Variants in ZNF133 observed in about 807,000 individuals in gnomAD.
The protein encoded by ZNF133 is zinc finger protein 133, also known as zinc finger protein 133 (clone pHZ-13).
ZNF133 carries 26 observed loss-of-function variants against 54.9 expected under a neutral mutation model. The observed-to-expected ratio is 0.47, with a 90% CI of 0.35 to 0.66. The LOEUF is 0.66. ZNF133 is among the 30% of genes least tolerant of loss of function. The pLI is 0.01. For missense variants in ZNF133, 653 were observed against 820.8 expected (o/e 0.80, Z 2.50); for synonymous variants, 298 against 320.3 (o/e 0.93, Z 0.74).
At chr20:18,300,951 T>C (rs1442218393) in intron 3 of ZNF133, among the ~76,000 whole-genome samples, 2 of 152,154 alleles carry the variant, frequency 1.3e-5, no homozygotes, top group Non-Finnish European at 2.9e-5. Context: ...GTAAATCCAA[T>C]AGATATAATA....
At chr20:18,293,319 G>A (rs1233790927) in intron 1 of ZNF133, among the ~76,000 whole-genome samples, 1 of 152,200 alleles carries the variant, frequency 6.6e-6, no homozygotes. Flanking sequence ...TCACACATTT[G>A]ACATATTTTC....
Position 18,315,616 on chromosome 20 carries a change from G to C in ZNF133, c.765G>C (p.Lys255Asn), listed in dbSNP as rs1436403067. 1 of 1,613,476 alleles carries C rather than the reference G, an allele frequency of 6.2e-7. No homozygotes were observed. The highest frequency in any genetic ancestry group is 8.5e-7 in the Non-Finnish European group (1 of 1,179,786). Residue 255 changes from lysine to asparagine, a missense_variant, in exon 7 of 7, where the codon AAG becomes AAC. Lys to Asn is a moderately conservative substitution (Grantham distance 94). This residue lies in a region of ZNF133 where 292 missense variants were observed against 431.6 expected (regional missense o/e 0.68). Coordinates refer to ENST00000425686, the MANE Select transcript of ZNF133 (RefSeq NM_001352452.2). The stretch of plus-strand genomic sequence containing the variant: ...GTGAGAAGGGCTTCAGCCTAAAGAA[G>C]AGCCTCGCCAGACACCAGAAGGCAC... The part of the protein sequence containing the change: ...GVCEKGFSLK[K>N]SLARHQKAHS...
intron 1 of ZNF133, among the ~76,000 whole-genome samples, chr20:18,295,922 T>C (rs2042145310): frequency 2.0e-5 from 3 of 152,202 alleles, no homozygotes; most frequent in Non-Finnish European, 4.4e-5. Flanking sequence ...CTTAAGGCTA[T>C]AGTTTCCCTT....
At chr20:18,290,804 C>T (rs1459729361) in intron 1 of ZNF133, among the ~76,000 whole-genome samples, 1 of 152,084 alleles carries the variant, frequency 6.6e-6, no homozygotes. Context: ...TTCCTTGCAT[C>T]CTTGTTTCCA....
At chr20:18,297,021 G>C (rs993166836) in intron 1 of ZNF133, among the ~76,000 whole-genome samples, 2 of 152,164 alleles carry the variant, frequency 1.3e-5, no homozygotes, top group Admixed American at 1.3e-4. Context: ...TGGTGGTTAT[G>C]AGTCAACTTT....
In ZNF133 at chr20:18,305,464, T is replaced by A. The variant is rs1361764253; in HGVS notation, c.-6-217T>A. On this transcript the variant is annotated intron_variant, in intron 4 of 6. Transcript: ENST00000425686. This position sits in a 1 kb window ranked among gnomAD's most constrained non-coding sequence, Gnocchi z 4.7. ...GTAGGGACTCCATTTTGTGCACATATACCCTGTGTGGCCCCCCAGGATCTT... is the reference window on the plus strand; with the variant it reads ...GTAGGGACTCCATTTTGTGCACATAAACCCTGTGTGGCCCCCCAGGATCTT... 6.6e-6 allele frequency among the ~76,000 whole-genome samples: 1 copy of A among 152,196 alleles called. No homozygotes were observed. Among genetic ancestry groups the A allele is most frequent in the African/African-American group, 2.4e-5 (1 of 41,456 alleles).
At chr20:18,313,521 C>G (rs1268065747) in intron 6 of ZNF133, 2 of 152,176 alleles carry the variant, frequency 1.3e-5, no homozygotes, top group Non-Finnish European at 2.9e-5. Context: ...GCTGAAAGAC[C>G]TACTTACCCA....
chr20:18,314,362 A>G (rs2046904206), intron 6 of ZNF133: 1 of 152,144 alleles, frequency 6.6e-6, no homozygotes, highest in African/African-American at 2.4e-5. Flanking sequence ...TTTTACACTG[A>G]TTTTTGGGGA....
intron 1 of ZNF133, among the ~76,000 whole-genome samples, chr20:18,289,649 G>T (rs1430413907): frequency 1.3e-5 from 2 of 152,172 alleles, no homozygotes; most frequent in African/African-American, 2.4e-5. Context: ...TCCTAAAGAG[G>T]ATAATAGCAT....
At chr20:18,300,135 T>C (rs2043070856) in intron 3 of ZNF133, among the ~76,000 whole-genome samples, 1 of 152,128 alleles carries the variant, frequency 6.6e-6, no homozygotes. Context: ...TAAAAAAAAA[T>C]AGTCTATGTT....
At position 18,316,248 on chromosome 20, in the gene ZNF133, T is replaced by C. The variant is rs1304343177; in HGVS notation, c.1397T>C (p.Ile466Thr). Residue 466 changes from isoleucine to threonine, a missense_variant, in exon 7 of 7, where the codon ATT (isoleucine) becomes ACT (threonine). Around this residue, in one of 4 missense-constraint regions of ZNF133, gnomAD observed 292 missense variants for 431.6 expected, o/e 0.68. Transcript: ENST00000425686. Reference protein sequence around the residue: ...HQNIHSGEKPIVCKDCGRGFS... With the variant: ...HQNIHSGEKPTVCKDCGRGFS... Reference sequence around the variant, plus strand: ...AACATACACTCAGGAGAGAAGCCCATTGTGTGCAAGGACTGTGGCCGGGGC... The same window carrying C: ...AACATACACTCAGGAGAGAAGCCCACTGTGTGCAAGGACTGTGGCCGGGGC... The C allele has an allele frequency of 3.1e-6, 5 of 1,606,956 alleles. No individual in the cohort carries two copies. The highest frequency in any genetic ancestry group is 3.4e-5 in the Admixed American group (2 of 59,524).
chr20:18,310,367 C>T, intron 6 of ZNF133: 1 of 1,468,236 alleles, frequency 6.8e-7, no homozygotes, highest in Non-Finnish European at 9.0e-7. Flanking sequence ...TTAAGACAGG[C>T]AATATCAGAA....
chr20:18,300,285 T>A (rs2043099494), intron 3 of ZNF133, among the ~76,000 whole-genome samples: 1 of 152,158 alleles, frequency 6.6e-6, no homozygotes, highest in African/African-American at 2.4e-5. Context: ...TTTAGGACAT[T>A]AAGTGTAATC....
At position 18,315,084 on chromosome 20, in the gene ZNF133, A is replaced by G. The variant is rs953020179; in HGVS notation, c.233A>G (p.Glu78Gly). The G allele has an allele frequency of 5.9e-6, 9 of 1,529,584 alleles. No homozygotes were observed. Among genetic ancestry groups the G allele is most frequent in the Non-Finnish European group, 7.9e-6 (9 of 1,139,912 alleles). 94.8% of individuals were successfully genotyped at this position (1,529,584 alleles called of 1,614,324 possible). Reference protein sequence around the residue: ...PATCPADPEPELYLDPFCPPG... With the variant: ...PATCPADPEPGLYLDPFCPPG... ...CTCTCTGCAGCAGATCCAGAGCCAG[A>G]GCTCTACCTCGATCCTTTCTGCCCT... The change falls in exon 7 of 7, where the codon GAG becomes GGG. Residue 78 changes from glutamate (E) to glycine (G), a missense_variant. Coordinates refer to ENST00000425686, the MANE Select transcript of ZNF133 (RefSeq NM_001352452.2).
intron 6 of ZNF133, 98 bp downstream of exon 6, chr20:18,306,491 T>A: frequency 8.3e-7 from 1 of 1,200,316 alleles, no homozygotes; most frequent in Non-Finnish European, 1.2e-6. Flanking sequence ...GGGAAGCTGT[T>A]CCCCTGACCT....
At chr20:18,289,311 T>C (rs2040363453) in intron 1 of ZNF133, among the ~76,000 whole-genome samples, 1 of 152,154 alleles carries the variant, frequency 6.6e-6, no homozygotes, top group Non-Finnish European at 1.5e-5. Flanking sequence ...GAATTACGGA[T>C]TCCCAGGCCC....
chr20:18,298,357 C>T lies in ZNF133; in HGVS notation c.-285C>T. 2.4e-6 allele frequency: 3 copies of T among 1,262,634 alleles called. No individual in the cohort carries two copies. Among genetic ancestry groups the T allele is most frequent in the East Asian group, 3.6e-5 (1 of 27,734 alleles). 78.2% of individuals were successfully genotyped at this position (1,262,634 alleles called of 1,614,324 possible). A position where few individuals can be genotyped will look rare whatever the true frequency, so the allele number is the denominator to read the frequency against. On this transcript the variant is annotated 5_prime_UTR_variant, in exon 3 of 7. Coordinates refer to ENST00000425686, the MANE Select transcript of ZNF133 (RefSeq NM_001352452.2). ...ACGGGAAGATTCTGGAATCTGTGTCCCCACCTAGACAACGATTATACTGGC... is the reference window on the plus strand; with the variant it reads ...ACGGGAAGATTCTGGAATCTGTGTCTCCACCTAGACAACGATTATACTGGC...
chr20:18,312,194 G>A (rs1255428889), intron 6 of ZNF133, among the ~76,000 whole-genome samples: 1 of 152,178 alleles, frequency 6.6e-6, no homozygotes, highest in African/African-American at 2.4e-5. Context: ...TTATGTGCCT[G>A]TGTTTTGACT....
chr20:18,294,294 G>C (rs1356689765), intron 1 of ZNF133, among the ~76,000 whole-genome samples: 1 of 152,132 alleles, frequency 6.6e-6, no homozygotes, highest in Admixed American at 6.5e-5. Context: ...CCAAAACTGA[G>C]GGATACCCTT....
Sources: allele counts gnomAD v4.1 joint callset (sites outside exome capture counted in the v4.1 genomes callset), GRCh38; gene constraint gnomAD v4.1.1; regional missense constraint gnomAD v4.1.1; non-coding constraint Gnocchi (gnomAD v3.1); transcripts MANE v1.5; gene names NCBI Gene and HGNC (gene_info 2026-07-23, HGNC 2026-07-21).